The following COL6A1 variants were observed in gnomAD, a reference collection of about 807,000 sequenced individuals.
COL6A1 encodes collagen type VI alpha 1 chain.
COL6A1 carries 80 observed loss-of-function variants against 145.6 expected under a neutral mutation model. That is an observed-to-expected ratio of 0.55 (90% CI 0.46 to 0.66). COL6A1 has a LOEUF of 0.66. Among genes scored for constraint, COL6A1 ranks in the 30% least tolerant of loss-of-function variants. The probability of loss-of-function intolerance (pLI) is 0.00; values close to 1 mark genes in which losing one functional copy is unlikely to be tolerated. For missense variants in COL6A1, 1,364 were observed against 1,473.8 expected, an observed-to-expected ratio of 0.93 and a Z score of 1.22; for synonymous variants, 638 against 622.8, an observed-to-expected ratio of 1.02 and a Z score of -0.36.
At chr21:45,999,043 C>T (rs563577773) in intron 25 of COL6A1, 84 bp downstream of exon 25, 33 of 1,545,048 alleles carry the variant, frequency 2.1e-5, no homozygotes, top group East Asian at 9.8e-5. Context: ...GACCAGGACC[C>T]GCTTGGGGAG....
rs749423625 is a variant in COL6A1, at chr21:45,998,974, G to C, written c.1674+15G>C. On this transcript the variant is annotated intron_variant, in intron 25 of 34. Transcript: ENST00000361866. ...CCGGAGACGATGTAAGTGTGGATGG[G>C]AGGCAGGGCCAGCCCCAAGTCCACC... 2.6e-6 allele frequency: 4 copies of C among 1,551,816 alleles called. No homozygotes were observed. The highest frequency in any genetic ancestry group is 3.5e-6 in the Non-Finnish European group (4 of 1,147,306).
In COL6A1 at chr21:46,001,281, G is replaced by A. The variant is rs2123488883; in HGVS notation, c.1851G>A (p.Leu617=). ...GCAAGTGCGGCCCCATCGACCTCCT[G>A]TTCGTGCTGGACAGCTCAGAGAGCA... ...CECKCGPIDL[L]FVLDSSESIG... The change falls in exon 30 of 35, where the codon CTG becomes CTA. Residue 617 remains leucine, a synonymous_variant. Transcript: ENST00000361866. The A allele has an allele frequency of 2.5e-6, 4 of 1,611,292 alleles. No individual in the cohort carries two copies. Among genetic ancestry groups the A allele is most frequent in the East Asian group, 2.2e-5 (1 of 44,862 alleles).
Position 45,994,308 on chromosome 21 carries a change from G to A in COL6A1, c.1398+79G>A, listed in dbSNP as rs1399727645. The A allele has an allele frequency of 3.7e-6, 5 of 1,342,198 alleles. No homozygotes were observed. Among genetic ancestry groups the A allele is most frequent in the Non-Finnish European group, 3.1e-6 (3 of 954,486 alleles). 83.1% of individuals were successfully genotyped at this position (1,342,198 alleles called of 1,614,324 possible). ...GAAGTGCTCCAGCAGCTCACGCACT[G>A]GGGGTCTGTTCATTTCCGTTTGAGG... On this transcript the variant is annotated intron_variant, in intron 20 of 34. Coordinates refer to ENST00000361866, the MANE Select transcript of COL6A1 (RefSeq NM_001848.3). This position sits in a 1 kb window ranked among gnomAD's most constrained non-coding sequence, Gnocchi z 6.8.
intron 27 of COL6A1, 134 bp from the exon 28 acceptor site, chr21:46,000,197 A>G (rs1464283075): frequency 1.1e-5 from 11 of 974,334 alleles, no homozygotes; most frequent in South Asian, 7.8e-5. Flanking sequence ...AGCCGGGCAC[A>G]CCTGCAAAGA....
intron 20 of COL6A1, among the ~76,000 whole-genome samples, chr21:45,997,048 C>T (rs533594599): frequency 1.9e-3 from 290 of 152,262 alleles, no homozygotes; most frequent in Non-Finnish European, 3.6e-3. Flanking sequence ...TAGCCTCACC[C>T]CTCCGTGGGG....
intron 15 of COL6A1, 80 bp from the exon 16 acceptor site, chr21:45,991,930 G>A: frequency 7.2e-7 from 1 of 1,393,536 alleles, no homozygotes; most frequent in Non-Finnish European, 9.9e-7. Context: ...ATGGGTGAGA[G>A]GCCCTGGATG....
chr21:46,004,712 C>T lies in COL6A1; in HGVS notation c.*699C>T. The T allele has an allele frequency of 2.2e-6, 1 of 453,710 alleles. No homozygotes were observed. Among genetic ancestry groups the T allele is most frequent in the South Asian group, 1.6e-5 (1 of 64,126 alleles). 28.1% of individuals were successfully genotyped at this position (453,710 alleles called of 1,614,324 possible). ...CGGCCTGGACCTTGGCCCTACAGCC[C>T]TGGAGGCCGCTGCTGACCAGCACTG... On this transcript the variant is annotated 3_prime_UTR_variant, in exon 35 of 35. Coordinates refer to ENST00000361866, the MANE Select transcript of COL6A1 (RefSeq NM_001848.3).
chr21:46,003,322 T>G, intron 34 of COL6A1, 69 bp from the exon 35 acceptor site: 1 of 1,600,936 alleles, frequency 6.2e-7, no homozygotes, highest in East Asian at 2.2e-5. Context: ...GCTTAGACGC[T>G]CTCTGGCCGG....
At chr21:45,999,880 T>TGTGAGGATCATAGAGGGGAC (rs1569518863) in intron 27 of COL6A1, among the ~76,000 whole-genome samples, 188 bp downstream of exon 27, 28 of 104,262 alleles carry the variant, frequency 2.7e-4, no homozygotes, top group African/African-American at 9.1e-4. Flanking sequence ...CATAGGGGGA[T>TGTGAGGATCATAGAGGGGAC]GTGTGAGGAC....
rs1003328972 is a variant in COL6A1 at position 46,003,957 on chromosome 21, G to A, written c.3031G>A (p.Ala1011Thr). ...CCTGTTCCGTGTCCCCAGCTACCAG[G>A]CCCTGCTCCGCGGTGTCTTCCACCA... is the stretch of plus-strand genomic sequence containing the variant. ...SHLFRVPSYQ[A>T]LLRGVFHQTV... The change falls in exon 35 of 35, where the codon GCC becomes ACC. Residue 1011 changes from alanine (A) to threonine (T), a missense_variant. Physicochemically the swap from Ala to Thr is moderately conservative, Grantham distance 58. Coordinates refer to ENST00000361866, the MANE Select transcript of COL6A1 (RefSeq NM_001848.3). 1 of 1,612,888 alleles carries A rather than the reference G, an allele frequency of 6.2e-7. No homozygotes were observed. The highest frequency in any genetic ancestry group is 8.5e-7 in the Non-Finnish European group (1 of 1,179,882).
Position 45,991,020 on chromosome 21 carries a change from C to G in COL6A1, c.1098C>G (p.Ala366=). 1 of 1,613,326 alleles carries G rather than the reference C, an allele frequency of 6.2e-7. No homozygotes were observed. The highest frequency in any genetic ancestry group is 8.5e-7 in the Non-Finnish European group (1 of 1,179,918). The change falls in exon 15 of 35, where the codon GCC becomes GCG. Residue 366 remains alanine (A), a synonymous_variant. Coordinates refer to ENST00000361866, the MANE Select transcript of COL6A1 (RefSeq NM_001848.3). ...GPPGPKGDPG[A]FGLKGEKGEP... is the part of the protein sequence containing the mutation. ...CTGGCCCCAAGGGAGACCCCGGTGC[C>G]TTTGGACTGAAAGGAGAAAAGGTGA... is the stretch of plus-strand genomic sequence containing the variant.
Position 46,001,293 on chromosome 21 carries a change from C to G in COL6A1, c.1863C>G (p.Asp621Glu). The change falls in exon 30 of 35, where the codon GAC becomes GAG. Residue 621 changes from aspartate (D) to glutamate (E), a missense_variant. By Grantham distance (45) the Asp-to-Glu change is conservative. This residue lies in a region of COL6A1 where 938 missense variants were observed against 1,003.8 expected (regional missense o/e 0.93). Transcript: ENST00000361866. ...CGPIDLLFVLDSSESIGLQNF... is the reference protein window; with the variant it reads ...CGPIDLLFVLESSESIGLQNF... ...CCATCGACCTCCTGTTCGTGCTGGA[C>G]AGCTCAGAGAGCATTGGCCTGCAGA... The G allele has an allele frequency of 6.2e-7, 1 of 1,612,200 alleles. No individual in the cohort carries two copies. Among genetic ancestry groups the G allele is most frequent in the Non-Finnish European group, 8.5e-7 (1 of 1,179,906 alleles).
chr21:45,985,954 C>T (rs923396584), intron 3 of COL6A1, among the ~76,000 whole-genome samples: 1 of 152,216 alleles, frequency 6.6e-6, no homozygotes, highest in African/African-American at 2.4e-5. Context: ...CAGACAGACA[C>T]GACTCCCCTA....
chr21:45,986,428 C>T, intron 3 of COL6A1, 98 bp from the exon 4 acceptor site: 1 of 1,260,970 alleles, frequency 7.9e-7, no homozygotes, highest in Non-Finnish European at 1.1e-6. Flanking sequence ...GGCGGCTCCT[C>T]CCGGTGAGAC....
chr21:45,992,449 G>C (rs1392623476), intron 18 of COL6A1, 51 bp downstream of exon 18: 2 of 1,600,928 alleles, frequency 1.2e-6, no homozygotes, highest in East Asian at 4.5e-5. Context: ...TGTAGCTGTG[G>C]ACGTGGCCTC....
rs1044076346 is a variant in COL6A1 at position 45,994,045 on chromosome 21, G to A, written c.1336-122G>A. 3 of 1,011,006 alleles carry A rather than the reference G, an allele frequency of 3.0e-6. No homozygotes were observed. Among genetic ancestry groups the A allele is most frequent in the Non-Finnish European group, 4.6e-6 (3 of 656,096 alleles). The allele number at this position is 1,011,006 out of a possible 1,614,324, so 62.6% of individuals were successfully genotyped here. On this transcript the variant is annotated intron_variant, in intron 19 of 34. Transcript: ENST00000361866. This position sits in a 1 kb window ranked among gnomAD's most constrained non-coding sequence, Gnocchi z 6.8. ...GCGAGGCCAGGAAGGGGCTGTGCGG[G>A]GAGGGAAGGCCGGAACAGCCCAGTG...
chr21:45,986,886 C>T (rs1376187757), intron 4 of COL6A1, 58 bp from the exon 5 acceptor site: 26 of 1,534,328 alleles, frequency 1.7e-5, no homozygotes, highest in Admixed American at 5.9e-5. Context: ...CTGTGGGAAG[C>T]GGCCCCGGCC....
chr21:45,999,915 T>TAGAGGGGACATGTGA (rs879057227), intron 27 of COL6A1, among the ~76,000 whole-genome samples: 1 of 16,002 alleles, frequency 6.2e-5, no homozygotes, highest in Non-Finnish European at 1.4e-4. Context: ...GTGAGGATCA[T>TAGAGGGGACATGTGA]GGGGGACATG....
intron 33 of COL6A1, 72 bp from the exon 34 acceptor site, chr21:46,003,048 T>C: frequency 6.2e-7 from 1 of 1,608,804 alleles, no homozygotes; most frequent in Non-Finnish European, 8.5e-7. Flanking sequence ...GGCCGGGAGG[T>C]CCTGTGACAT....
Sources: allele counts gnomAD v4.1 joint callset (sites outside exome capture counted in the v4.1 genomes callset), GRCh38; gene constraint gnomAD v4.1.1; regional missense constraint gnomAD v4.1.1; non-coding constraint Gnocchi (gnomAD v3.1); transcripts MANE v1.5; gene names NCBI Gene and HGNC (gene_info 2026-07-23, HGNC 2026-07-21).